Variants in RPS6KC1 observed in about 807,000 individuals in gnomAD.
The protein encoded by RPS6KC1 is inactive ribosomal protein S6 kinase delta-1.
Under a neutral mutation model 103.8 loss-of-function variants are expected in RPS6KC1, and 54 were observed. The observed-to-expected ratio is 0.52, with a 90% CI of 0.42 to 0.65. The LOEUF (loss-of-function observed/expected upper bound fraction) is 0.65, where lower values mean the gene tolerates loss of function less well. Among genes scored for constraint, RPS6KC1 ranks in the 30% least tolerant of loss-of-function variants. The pLI is 0.00. For missense variants in RPS6KC1, 1,151 were observed against 1,253.8 expected (o/e 0.92, Z 1.24); for synonymous variants, 439 against 438.7 (o/e 1.00, Z -0.01).
chr1:213,064,242 A>G (rs1328605430), intron 1 of RPS6KC1, among the ~76,000 whole-genome samples: 3 of 152,006 alleles, frequency 2.0e-5, no homozygotes, highest in Non-Finnish European at 2.9e-5. Context: ...TTTTTGGTAG[A>G]GGCGGGGTTT....
chr1:213,511,892 T>C, the RPS6KC1 span, among the ~76,000 whole-genome samples: 1 of 152,220 alleles, frequency 6.6e-6, no homozygotes, highest in African/African-American at 2.4e-5. Flanking sequence ...CGTTTTTATG[T>C]TCAGTCTCTC....
the RPS6KC1 span, among the ~76,000 whole-genome samples, chr1:213,530,034 TA>T: frequency 1.3e-4 from 1 of 7,772 alleles, no homozygotes; most frequent in South Asian, 0.019. Context: ...TCACTTCTTT[TA>T]TTATTATTAT....
intron 8 of RPS6KC1, among the ~76,000 whole-genome samples, chr1:213,197,380 G>A (rs1472979232): frequency 6.6e-6 from 1 of 152,054 alleles, no homozygotes; most frequent in Non-Finnish European, 1.5e-5. Context: ...TTGGCAATAT[G>A]GTCATATTCA....
At chr1:213,571,028 G>C in the RPS6KC1 span, among the ~76,000 whole-genome samples, 1 of 152,236 alleles carries the variant, frequency 6.6e-6, no homozygotes, top group Non-Finnish European at 1.5e-5. Flanking sequence ...AAATGCGTAT[G>C]TGTCTTCCAA....
At chr1:213,736,206 G>A in the RPS6KC1 span, among the ~76,000 whole-genome samples, 2 of 152,288 alleles carry the variant, frequency 1.3e-5, no homozygotes, top group South Asian at 4.1e-4. Context: ...TATTATCTCA[G>A]TTTCCATGGG....
chr1:213,263,368 C>T (rs956479057), intron 14 of RPS6KC1, among the ~76,000 whole-genome samples: 2 of 152,140 alleles, frequency 1.3e-5, no homozygotes, highest in African/African-American at 4.8e-5. Flanking sequence ...ATCCCAGAGA[C>T]AGGCTTGGAA....
the RPS6KC1 span, among the ~76,000 whole-genome samples, chr1:213,763,278 C>A: frequency 6.6e-6 from 1 of 152,212 alleles, no homozygotes; most frequent in African/African-American, 2.4e-5. Context: ...CCCTTCATTT[C>A]TATCAAACTT....
chr1:213,215,562 A>G (rs1489721955), intron 8 of RPS6KC1, among the ~76,000 whole-genome samples: 1 of 152,198 alleles, frequency 6.6e-6, no homozygotes, highest in Non-Finnish European at 1.5e-5. Flanking sequence ...GAGCAACTCC[A>G]AGACACATAA....
intron 6 of RPS6KC1, among the ~76,000 whole-genome samples, chr1:213,149,985 A>G (rs2088462911): frequency 6.6e-6 from 1 of 151,980 alleles, no homozygotes; most frequent in Admixed American, 6.5e-5. Context: ...TTTAGTTTCC[A>G]TTGGTGTGGA....
chr1:213,722,777 C>T, the RPS6KC1 span, among the ~76,000 whole-genome samples: 2 of 152,082 alleles, frequency 1.3e-5, no homozygotes, highest in Non-Finnish European at 2.9e-5. Flanking sequence ...CAGAGGAGTC[C>T]GACTGTGGAC....
intron 1 of RPS6KC1, among the ~76,000 whole-genome samples, chr1:213,066,171 A>G (rs1252179331): frequency 6.6e-6 from 1 of 152,234 alleles, no homozygotes; most frequent in African/African-American, 2.4e-5. Context: ...TAGACTGTTA[A>G]TAATAAAAAG....
At chr1:213,665,050 C>A in the RPS6KC1 span, among the ~76,000 whole-genome samples, 4 of 152,008 alleles carry the variant, frequency 2.6e-5, no homozygotes, top group African/African-American at 9.7e-5. Flanking sequence ...ATAGAACATA[C>A]TTTAGAGATT....
the RPS6KC1 span, among the ~76,000 whole-genome samples, chr1:213,834,323 C>A: frequency 5.3e-5 from 8 of 152,132 alleles, no homozygotes; most frequent in Non-Finnish European, 8.8e-5. Flanking sequence ...CTGTGCCTGG[C>A]CATGGTTTTA....
the RPS6KC1 span, among the ~76,000 whole-genome samples, chr1:213,560,211 G>A: frequency 1.1e-3 from 171 of 152,260 alleles, 1 homozygote; most frequent in Non-Finnish European, 7.4e-5. Flanking sequence ...GAATTTGTCA[G>A]ATATAATTAA....
intron 6 of RPS6KC1, among the ~76,000 whole-genome samples, chr1:213,142,924 C>CT (rs2087250487): frequency 1.3e-5 from 2 of 151,980 alleles, no homozygotes; most frequent in South Asian, 2.1e-4. Flanking sequence ...ATCAAATTCA[C>CT]TTTTTTGCAG....
At chr1:213,134,508 T>G (rs75514174) in intron 6 of RPS6KC1, among the ~76,000 whole-genome samples, 6,680 of 152,224 alleles carry the variant, frequency 0.044, 236 homozygotes, top group African/African-American at 0.094. Flanking sequence ...AGTACTCAGA[T>G]TAAGAGATGC....
At chr1:213,399,656 T>A in the RPS6KC1 span, among the ~76,000 whole-genome samples, 1 of 151,894 alleles carries the variant, frequency 6.6e-6, no homozygotes, top group Admixed American at 6.6e-5. Context: ...CCGCCCACCC[T>A]CTCCTCCCCC....
chr1:213,210,401 C>T (rs987861969), intron 8 of RPS6KC1, among the ~76,000 whole-genome samples: 10 of 152,194 alleles, frequency 6.6e-5, no homozygotes, highest in African/African-American at 2.4e-4. Flanking sequence ...ATCTGTAAAT[C>T]TGTGCCTCAA....
chr1:213,650,194 GA>G, the RPS6KC1 span, among the ~76,000 whole-genome samples: 1 of 152,132 alleles, frequency 6.6e-6, no homozygotes, highest in Non-Finnish European at 1.5e-5. Flanking sequence ...TCACCCTTTA[GA>G]AACAGGTTTA....
Sources: gnomAD v4.1 joint callset for allele counts (sites outside exome capture counted in the v4.1 genomes callset) on GRCh38, gnomAD v4.1.1 for gene constraint, MANE v1.5 for transcripts, NCBI Gene and HGNC (gene_info 2026-07-23, HGNC 2026-07-21) for gene names.